Variants in PDE11A observed in about 807,000 individuals in gnomAD.
PDE11A encodes the protein dual 3',5'-cyclic-AMP and -GMP phosphodiesterase 11A.
PDE11A carries 100 observed loss-of-function variants against 100.5 expected under a neutral mutation model. The observed-to-expected ratio is 1.00, with a 90% confidence interval of 0.85 to 1.18. The LOEUF (loss-of-function observed/expected upper bound fraction) is 1.18. PDE11A is among the 50% of genes most tolerant of loss of function. The pLI is 0.00. For synonymous variants in PDE11A, 381 were observed against 420.8 expected, an observed-to-expected ratio of 0.91 and a Z score of 1.16; for missense variants, 1,141 against 1,152.6, an observed-to-expected ratio of 0.99 and a Z score of 0.15.
chr2:177,644,769 G>T (rs959379772), intron 19 of PDE11A, among the ~76,000 whole-genome samples: 2 of 152,188 alleles, frequency 1.3e-5, no homozygotes, highest in African/African-American at 2.4e-5. Context: ...CCCACATGTC[G>T]TAGGAGGAAC....
intron 3 of PDE11A, among the ~76,000 whole-genome samples, chr2:177,902,585 G>A (rs1053886603): frequency 6.6e-6 from 1 of 152,206 alleles, no homozygotes; most frequent in Non-Finnish European, 1.5e-5. Flanking sequence ...GCTCCTGGAT[G>A]TGTCCTTGGA....
rs1323918646 is a variant in PDE11A at position 177,876,649 on chromosome 2, T to A, written c.1303-726A>T. Among the ~76,000 whole-genome samples the A allele has an allele frequency of 2.0e-5, 3 of 148,282 alleles. 1 individual carries two copies. The highest frequency in any genetic ancestry group is 7.7e-5 in the African/African-American group (3 of 38,872). ...TTTATTATAAATCTAAAGTAGAGAATTTTATACTCAGTCTATAGATGAGGA... is the reference window on the plus strand; with the variant it reads ...TTTATTATAAATCTAAAGTAGAGAAATTTATACTCAGTCTATAGATGAGGA... On this transcript the variant is annotated intron_variant, in intron 4 of 19. Transcript: ENST00000286063.
At chr2:177,637,997 A>ATATATATATATATATATAT (rs1433320166) in intron 19 of PDE11A, among the ~76,000 whole-genome samples, 4 of 106,524 alleles carry the variant, frequency 3.8e-5, no homozygotes, top group African/African-American at 1.6e-4. Context: ...ATATATATAT[A>ATATATATATATATATATAT]TTTTTTTTTT....
chr2:178,003,850 T>G (rs372467664), intron 2 of PDE11A, among the ~76,000 whole-genome samples: 1 of 152,094 alleles, frequency 6.6e-6, no homozygotes, highest in African/African-American at 2.4e-5. Flanking sequence ...GAACAGCAAT[T>G]TAATAGTTCA....
rs775823865 is a variant in PDE11A, at chr2:177,816,853, C to T, written c.1713G>A (p.Trp571Ter). ...CATCAAGAGCCACAGACTGCTTGGC[C>T]CAGGACTTCTTCACTTGATCATACA... ...TIMYDQVKKS[W>*]AKQSVALDVL... Residue 571 changes from tryptophan to a stop codon, truncating the protein, a stop_gained, in exon 9 of 20, where the codon TGG becomes TGA. Coordinates refer to ENST00000286063, the MANE Select transcript of PDE11A (RefSeq NM_016953.4). LOFTEE classifies it high-confidence loss of function. 1 of 1,603,070 alleles carries T rather than the reference C, an allele frequency of 6.2e-7. No individual in the cohort carries two copies. Among genetic ancestry groups the T allele is most frequent in the African/African-American group, 1.3e-5 (1 of 74,756 alleles).
chr2:178,072,789 C>A, upstream of PDE11A: 1 of 1,236,926 alleles, frequency 8.1e-7, no homozygotes, highest in Non-Finnish European at 1.0e-6. Flanking sequence ...GATGAGTGGA[C>A]CGCTGTGACA....
chr2:177,665,726 G>A (rs1223415532), intron 18 of PDE11A, among the ~76,000 whole-genome samples: 1 of 151,016 alleles, frequency 6.6e-6, no homozygotes, highest in Admixed American at 6.6e-5. Flanking sequence ...GTGTGGTGGT[G>A]GGCACCTGTA....
intron 2 of PDE11A, among the ~76,000 whole-genome samples, chr2:177,906,191 ACGCACGCACG>A: frequency 6.6e-6 from 1 of 151,996 alleles, no homozygotes; most frequent in Non-Finnish European, 1.5e-5. Flanking sequence ...GCACGCACGC[ACGCACGCACG>A]CACACAATGG....
rs570913594 is a variant in PDE11A at position 177,997,679 on chromosome 2, G to A, written c.1071+16623C>T. The A allele has an allele frequency of 1.2e-4, 184 of 1,552,084 alleles. 4 individuals are homozygous for A. In the South Asian group the frequency reaches 2.0e-3, roughly 17 times the overall value. ...AAATCTTTGAGTTTTTCTGCATTCA[G>A]TTTGGCTGTTAAGAAATCTGGAAGT... On this transcript the variant is annotated intron_variant, in intron 2 of 19. Transcript: ENST00000286063.
intron 17 of PDE11A, among the ~76,000 whole-genome samples, chr2:177,674,807 C>G (rs2080742702): frequency 6.6e-6 from 1 of 152,064 alleles, no homozygotes; most frequent in African/African-American, 2.4e-5. Context: ...CTTTAGATGC[C>G]AAGTTACTGT....
intron 6 of PDE11A, among the ~76,000 whole-genome samples, chr2:177,839,987 C>G (rs749845183): frequency 6.6e-6 from 1 of 152,164 alleles, no homozygotes; most frequent in African/African-American, 2.4e-5. Context: ...GTTATATACA[C>G]TTTTCATTAA....
intron 2 of PDE11A, among the ~76,000 whole-genome samples, chr2:178,101,663 A>C (rs1231620456): frequency 6.6e-6 from 1 of 152,152 alleles, no homozygotes; most frequent in East Asian, 1.9e-4. Context: ...TTATTAACAT[A>C]AACTCAGGTC....
chr2:177,832,938 G>A (rs7596644), intron 6 of PDE11A, among the ~76,000 whole-genome samples: 17,397 of 152,058 alleles, frequency 0.11, 1,221 homozygotes, highest in Non-Finnish European at 0.15. Context: ...ATCAAACAGC[G>A]CACTTGATTT....
intron 5 of PDE11A, among the ~76,000 whole-genome samples, chr2:177,864,423 T>C (rs2083995698): frequency 6.6e-6 from 1 of 152,204 alleles, no homozygotes; most frequent in Admixed American, 6.5e-5. Context: ...TAAAGTAACA[T>C]TTTTACTATC....
chr2:177,803,786 A>G (rs1315629532), intron 9 of PDE11A, among the ~76,000 whole-genome samples: 2 of 152,024 alleles, frequency 1.3e-5, no homozygotes, highest in Admixed American at 6.6e-5. Flanking sequence ...CAAATCAGAC[A>G]TAGAAGGAAC....
intron 9 of PDE11A, among the ~76,000 whole-genome samples, chr2:177,772,603 T>C (rs904235125): frequency 1.3e-5 from 2 of 152,072 alleles, no homozygotes; most frequent in African/African-American, 2.4e-5. Context: ...CTCTTCAAAC[T>C]TTACCTTTAA....
At chr2:177,636,138 T>C (rs540262254) in intron 19 of PDE11A, among the ~76,000 whole-genome samples, 1 of 152,250 alleles carries the variant, frequency 6.6e-6, no homozygotes, top group Admixed American at 6.5e-5. Flanking sequence ...ATTTTTATAA[T>C]AGCCATACTA....
rs2082032064 is a variant in PDE11A, at chr2:177,751,980, C to T, written c.1788+17343G>A. 1.3e-5 allele frequency among the ~76,000 whole-genome samples: 2 copies of T among 152,078 alleles called. 1 individual carries two copies. Among genetic ancestry groups the T allele is most frequent in the South Asian group, 4.2e-4 (2 of 4,818 alleles). On this transcript the variant is annotated intron_variant, in intron 10 of 19. Transcript: ENST00000286063. ...GTGTTGCCTACAGTGGGACGTGAGA[C>T]AGAGCTGGGACTTGAACCCACGTCT...
At chr2:177,893,018 C>T (rs1196741154) in intron 4 of PDE11A, among the ~76,000 whole-genome samples, 1 of 152,136 alleles carries the variant, frequency 6.6e-6, no homozygotes, top group South Asian at 2.1e-4. Context: ...CAACTCCCCC[C>T]ACCTGCTCTC....
Sources: allele counts gnomAD v4.1 joint callset (sites outside exome capture counted in the v4.1 genomes callset), GRCh38; gene constraint gnomAD v4.1.1; transcripts MANE v1.5; gene names NCBI Gene and HGNC (gene_info 2026-07-23, HGNC 2026-07-21).